SPATS2: variants seen among roughly 807,000 people sequenced by gnomAD.
SPATS2 encodes the protein spermatogenesis-associated serine-rich protein 2.
SPATS2 carries 38 observed loss-of-function variants against 63.7 expected under a neutral mutation model. The observed-to-expected ratio is 0.60, with a 90% CI of 0.46 to 0.78. SPATS2 has a LOEUF of 0.78. Ranked by LOEUF, SPATS2 falls within the 30% of genes least tolerant of loss-of-function variation. SPATS2 has a pLI of 0.00. For missense variants in SPATS2, 588 were observed against 666.2 expected (o/e 0.88, Z 1.29); for synonymous variants, 207 against 232.9 (o/e 0.89, Z 1.01).
chr12:49,526,284 A>G lies in SPATS2; in HGVS notation c.*29A>G, dbSNP rs778260431. ...AAAATCCAGTTGGCCTCTCTCCTCT[A>G]TCCACACAATTCAACTTGATAACTG... On this transcript the variant is annotated 3_prime_UTR_variant, in exon 14 of 14. Transcript: ENST00000552918. 49 of 1,562,088 alleles carry G rather than the reference A, an allele frequency of 3.1e-5. No individual in the cohort carries two copies. The South Asian group carries it at 5.8e-4, about 19-fold the overall frequency.
chr12:49,504,032 C>T (rs1241517167), intron 9 of SPATS2, among the ~76,000 whole-genome samples: 2 of 152,134 alleles, frequency 1.3e-5, no homozygotes, highest in East Asian at 3.8e-4. Flanking sequence ...CACCTTATTT[C>T]AATGTTCCTT....
chr12:49,497,952 G>A (rs1210681000), intron 8 of SPATS2, among the ~76,000 whole-genome samples: 1 of 151,674 alleles, frequency 6.6e-6, no homozygotes, highest in Non-Finnish European at 1.5e-5. Flanking sequence ...TAAGCATGGT[G>A]GTCCACTCCA....
intron 1 of SPATS2, among the ~76,000 whole-genome samples, chr12:49,368,893 A>T (rs962895309): frequency 2.0e-5 from 3 of 152,206 alleles, no homozygotes; most frequent in African/African-American, 7.2e-5. Flanking sequence ...TTTCTCAGCT[A>T]GGTCTTGGAT....
At chr12:49,499,886 CT>C (rs1946534768) in intron 8 of SPATS2, among the ~76,000 whole-genome samples, 183 bp from the exon 9 acceptor site, 1 of 152,068 alleles carries the variant, frequency 6.6e-6, no homozygotes, top group African/African-American at 2.4e-5. Flanking sequence ...ATTATTCCAT[CT>C]TGACCAGGAT....
chr12:49,465,936 T>G (rs907922724), intron 3 of SPATS2, among the ~76,000 whole-genome samples: 1 of 151,110 alleles, frequency 6.6e-6, no homozygotes, highest in Non-Finnish European at 1.5e-5. Flanking sequence ...AGTGTGAGAC[T>G]CCATCTCAAA....
At chr12:49,389,852 A>G in intron 2 of SPATS2, 2 of 850,574 alleles carry the variant, frequency 2.4e-6, no homozygotes, top group Non-Finnish European at 4.1e-6. Flanking sequence ...TTAGATTGCT[A>G]ATGGCTAGCA....
At chr12:49,412,481 C>T (rs967449015) in intron 2 of SPATS2, among the ~76,000 whole-genome samples, 22 of 151,868 alleles carry the variant, frequency 1.4e-4, no homozygotes, top group African/African-American at 4.8e-4. Context: ...GGATTACAGG[C>T]GTGAGCTACT....
Position 49,525,931 on chromosome 12 carries a change from C to T in SPATS2, c.1327-13C>T, listed in dbSNP as rs753609714. 2 of 1,609,880 alleles carry T rather than the reference C, an allele frequency of 1.2e-6. No individual in the cohort carries two copies. Among genetic ancestry groups the T allele is most frequent in the East Asian group, 2.2e-5 (1 of 44,838 alleles). ...GCTAGAGCACCTTGAACATTGTATT[C>T]TTTCATCTTTAGGTATTGCCAGGGA... On this transcript the variant is annotated splice_polypyrimidine_tract_variant and intron_variant, in intron 13 of 13. Transcript: ENST00000552918.
chr12:49,523,347 G>A (rs1166661278), intron 12 of SPATS2, among the ~76,000 whole-genome samples: 2 of 150,188 alleles, frequency 1.3e-5, no homozygotes, highest in Admixed American at 6.7e-5. Flanking sequence ...CAGGTGTGGT[G>A]GCACATGCTT....
chr12:49,388,513 A>G (rs991646929), intron 2 of SPATS2, among the ~76,000 whole-genome samples: 1 of 151,654 alleles, frequency 6.6e-6, no homozygotes. Flanking sequence ...AATTGGGACT[A>G]CAGGCATGTG....
At chr12:49,469,582 T>TA (rs1424372308) in intron 3 of SPATS2, 2 of 276,760 alleles carry the variant, frequency 7.2e-6, no homozygotes, top group Non-Finnish European at 1.4e-5. Context: ...CAAAGTAAAA[T>TA]AAAACTTTTC....
intron 2 of SPATS2, among the ~76,000 whole-genome samples, chr12:49,418,631 A>C (rs552739773): frequency 6.6e-6 from 1 of 151,992 alleles, no homozygotes; most frequent in South Asian, 2.1e-4. Flanking sequence ...TTGTAGAGAC[A>C]GGTCTCACTA....
upstream of SPATS2, chr12:49,367,061 G>T (rs1943908478): frequency 6.6e-6 from 1 of 152,400 alleles, no homozygotes; most frequent in Non-Finnish European, 1.5e-5. Context: ...CCTGCGGACG[G>T]TGCGAGACGC....
intron 2 of SPATS2, among the ~76,000 whole-genome samples, chr12:49,398,135 CAAAAAAAAAAAAA>C (rs71080193): frequency 1.1e-4 from 5 of 45,394 alleles, no homozygotes; most frequent in Non-Finnish European, 1.6e-4. Context: ...GACCCTGTCT[CAAAAAAAAAAAAA>C]AAAAAAAAAA....
At chr12:49,499,943 G>T (rs577868114) in intron 8 of SPATS2, 127 bp from the exon 9 acceptor site, 1 of 656,528 alleles carries the variant, frequency 1.5e-6, no homozygotes, top group African/African-American at 1.9e-5. Flanking sequence ...TCTCATTGGG[G>T]AAGGTGGTTA....
chr12:49,524,768 G>A lies in SPATS2; in HGVS notation c.1198G>A (p.Ala400Thr), dbSNP rs751154996. The change falls in exon 13 of 14, where the codon GCT becomes ACT. Residue 400 changes from alanine (A) to threonine (T), a missense_variant. Physicochemically the swap from Ala to Thr is moderately conservative, Grantham distance 58. Coordinates refer to ENST00000552918, the MANE Select transcript of SPATS2 (RefSeq NM_023071.4). ...VSLSSPSDAS[A>T]ASSSTCASPP... ...CTTGAGTAGCCCAAGTGATGCCTCTGCTGCTTCCTCTTCCACCTGTGCCTC... is the reference window on the plus strand; with the variant it reads ...CTTGAGTAGCCCAAGTGATGCCTCTACTGCTTCCTCTTCCACCTGTGCCTC... The A allele has an allele frequency of 7.4e-6, 12 of 1,613,998 alleles. No homozygotes were observed. The highest frequency in any genetic ancestry group is 9.3e-6 in the Non-Finnish European group (11 of 1,180,030).
chr12:49,398,233 C>G (rs1275839619), intron 2 of SPATS2, among the ~76,000 whole-genome samples: 1 of 150,824 alleles, frequency 6.6e-6, no homozygotes, highest in Non-Finnish European at 1.5e-5. Context: ...GGATGGGGGC[C>G]AGACTAGGGC....
chr12:49,437,313 C>T (rs1370271610), intron 2 of SPATS2, among the ~76,000 whole-genome samples: 2 of 151,290 alleles, frequency 1.3e-5, no homozygotes, highest in South Asian at 2.1e-4. Flanking sequence ...GATGGGATGG[C>T]GGCCGGGCAG....
Position 49,458,732 on chromosome 12 carries a change from G to GTTT in SPATS2, c.-243-2023_-243-2021dup, listed in dbSNP as rs559444527. Among the ~76,000 whole-genome samples the GTTT allele has an allele frequency of 7.6e-3, 1,033 of 136,718 alleles. 9 individuals are homozygous for GTTT. The highest frequency in any genetic ancestry group is 0.026 in the African/African-American group (971 of 37,538). The allele number at this position is 136,718 out of a possible 152,430, so 89.7% of individuals were successfully genotyped here. ...AGGTGGAGGTTGCAAATTCCATCTC[G>GTTT]TTTTTTTTTTTTTTTTTAATTGTTA... On this transcript the variant is annotated intron_variant, in intron 2 of 13. Transcript: ENST00000552918.
Sources: allele counts gnomAD v4.1 joint callset (sites outside exome capture counted in the v4.1 genomes callset), GRCh38; gene constraint gnomAD v4.1.1; transcripts MANE v1.5; gene names NCBI Gene and HGNC (gene_info 2026-07-23, HGNC 2026-07-21).